Variants in TIMELESS observed in about 807,000 individuals in gnomAD.
The protein encoded by TIMELESS is timeless circadian regulator.
TIMELESS carries 124 observed loss-of-function variants against 164.3 expected under a neutral mutation model. The observed-to-expected ratio is 0.75, with a 90% CI of 0.65 to 0.88. The LOEUF is 0.88. Ranked by LOEUF, TIMELESS falls within the 40% of genes least tolerant of loss-of-function variation. The pLI, the probability that TIMELESS is intolerant of heterozygous loss-of-function variation, is 0.00. For missense variants in TIMELESS, 1,422 were observed against 1,491.4 expected (o/e 0.95, Z 0.77); for synonymous variants, 564 against 563.4 (o/e 1.00, Z -0.02).
At chr12:56,439,986 T>C (rs1227751162) in intron 1 of TIMELESS, among the ~76,000 whole-genome samples, 1 of 152,202 alleles carries the variant, frequency 6.6e-6, no homozygotes, top group Non-Finnish European at 1.5e-5. Context: ...TTAAAAGGGA[T>C]GTTAGTTACT....
At chr12:56,443,642 T>C (rs1868309263) in intron 1 of TIMELESS, among the ~76,000 whole-genome samples, 1 of 152,130 alleles carries the variant, frequency 6.6e-6, no homozygotes, top group African/African-American at 2.4e-5. Context: ...CCTTCTAAAA[T>C]CCCTAATAAA....
intron 1 of TIMELESS, among the ~76,000 whole-genome samples, chr12:56,441,404 T>C (rs1365523915): frequency 2.3e-5 from 3 of 131,672 alleles, no homozygotes; most frequent in Non-Finnish European, 3.0e-5. Context: ...GGAGGATCAC[T>C]TGAGTCCAGG....
At chr12:56,422,316 C>A in intron 19 of TIMELESS, 125 bp from the exon 20 acceptor site, 1 of 763,550 alleles carries the variant, frequency 1.3e-6, no homozygotes, top group Admixed American at 2.4e-5. Context: ...AGAGGCCAGC[C>A]AGCAGAGGCC....
At chr12:56,433,306 C>T in intron 5 of TIMELESS, 75 bp downstream of exon 5, 1 of 1,536,492 alleles carries the variant, frequency 6.5e-7, no homozygotes, top group Non-Finnish European at 9.0e-7. Flanking sequence ...GACCATATCT[C>T]AGCATCTCCT....
chr12:56,447,774 G>T lies in TIMELESS; in HGVS notation c.-62+1536C>A, dbSNP rs186895787. Among the ~76,000 whole-genome samples the T allele has an allele frequency of 3.3e-5, 5 of 152,242 alleles. No individual in the cohort carries two copies. The East Asian group carries it at 9.7e-4, about 29-fold the overall frequency. On this transcript the variant is annotated intron_variant, in intron 1 of 28. Coordinates refer to ENST00000553532, the MANE Select transcript of TIMELESS (RefSeq NM_003920.5). ...GGTAAAAAACTTCAGGGACACACAGGAAGAAGTGACTAACTTGGCATAGGA... is the reference window on the plus strand; with the variant it reads ...GGTAAAAAACTTCAGGGACACACAGTAAGAAGTGACTAACTTGGCATAGGA...
Position 56,433,578 on chromosome 12 carries a change from T to C in TIMELESS, c.326A>G (p.His109Arg), listed in dbSNP as rs1312986601. The C allele has an allele frequency of 1.1e-5, 17 of 1,614,038 alleles. No individual in the cohort carries two copies. Among genetic ancestry groups the C allele is most frequent in the East Asian group, 2.2e-5 (1 of 44,892 alleles). Residue 109 changes from histidine (H) to arginine (R), a missense_variant, in exon 4 of 29, where the codon CAT (histidine) becomes CGT (arginine). Physicochemically the swap from His to Arg is conservative, Grantham distance 29. Coordinates refer to ENST00000553532, the MANE Select transcript of TIMELESS (RefSeq NM_003920.5). ...NLPKEPSFRHHFLQVLTYLQA... is the reference protein window; with the variant it reads ...NLPKEPSFRHRFLQVLTYLQA... ...CAAATAAGTTAGCACCTGCAAAAAA[T>C]GGTGCCGAAAGCTGGGCTCCTTAGG...
At position 56,445,331 on chromosome 12, in the gene TIMELESS, A is replaced by G. The variant is rs182325075; in HGVS notation, c.-62+3979T>C. ...TCCCAGCTACTTGGGAGGCTGAGGCAGAATTGTTTGAACCCAGGAGGTGGA... is the reference window on the plus strand; with the variant it reads ...TCCCAGCTACTTGGGAGGCTGAGGCGGAATTGTTTGAACCCAGGAGGTGGA... On this transcript the variant is annotated intron_variant, in intron 1 of 28. Coordinates refer to ENST00000553532, the MANE Select transcript of TIMELESS (RefSeq NM_003920.5). Among the ~76,000 whole-genome samples, 8 of 144,950 alleles carry G rather than the reference A, an allele frequency of 5.5e-5. No homozygotes were observed. The East Asian group carries it at 1.7e-3, about 31-fold the overall frequency.
chr12:56,431,356 A>AG, intron 8 of TIMELESS, 115 bp downstream of exon 8: 1 of 669,006 alleles, frequency 1.5e-6, no homozygotes, highest in Non-Finnish European at 1.9e-6. Flanking sequence ...TTCTGTCTCA[A>AG]AAAAAAAAAA....
At chr12:56,444,178 G>T (rs924267530) in intron 1 of TIMELESS, among the ~76,000 whole-genome samples, 4 of 152,148 alleles carry the variant, frequency 2.6e-5, no homozygotes, top group African/African-American at 9.7e-5. Flanking sequence ...TTACAGGCAT[G>T]AGCCACCGTG....
chr12:56,429,880 T>G (rs1881814566), intron 10 of TIMELESS, among the ~76,000 whole-genome samples: 2 of 151,952 alleles, frequency 1.3e-5, no homozygotes, highest in Non-Finnish European at 2.9e-5. Context: ...CCTCTCCCTC[T>G]GAGGCAATTT....
rs770637772 is a variant in TIMELESS, at chr12:56,424,799, G to T, written c.1831C>A (p.Gln611Lys). Residue 611 changes from glutamine (Q) to lysine (K), a missense_variant, in exon 15 of 29, where the codon CAG becomes AAG. Transcript: ENST00000553532. ...AGGAGAGTCAGGGCCTGTGGGGCCT[G>T]GCCAGCCAGGAGACAGTCTTGGATC... The part of the protein sequence containing the change: ...VRIQDCLLAG[Q>K]APQALTLLRS... The T allele has an allele frequency of 1.9e-6, 3 of 1,614,072 alleles. No homozygotes were observed. The highest frequency in any genetic ancestry group is 2.5e-6 in the Non-Finnish European group (3 of 1,180,040).
chr12:56,440,221 C>A (rs1329035732), intron 1 of TIMELESS, among the ~76,000 whole-genome samples: 2 of 150,956 alleles, frequency 1.3e-5, no homozygotes, highest in Non-Finnish European at 2.9e-5. Context: ...TCACTGCAAC[C>A]GCCACCTCCT....
chr12:56,436,999 C>T (rs992721762), intron 1 of TIMELESS, among the ~76,000 whole-genome samples: 4 of 151,266 alleles, frequency 2.6e-5, no homozygotes, highest in Non-Finnish European at 5.9e-5. Flanking sequence ...GGCGTGATCT[C>T]GGCTCACTGC....
chr12:56,432,336 G>A (rs763829931), intron 7 of TIMELESS, 33 bp downstream of exon 7: 10 of 1,594,566 alleles, frequency 6.3e-6, no homozygotes, highest in African/African-American at 5.4e-5. Flanking sequence ...GTACATGGGC[G>A]GAGGGGACTC....
chr12:56,439,465 G>A (rs1298315873), intron 1 of TIMELESS, among the ~76,000 whole-genome samples: 2 of 149,862 alleles, frequency 1.3e-5, no homozygotes, highest in African/African-American at 4.9e-5. Flanking sequence ...GATCAATCAT[G>A]ACTCGCTATA....
chr12:56,443,649 T>C lies in TIMELESS; in HGVS notation c.-62+5661A>G, dbSNP rs533295248. The stretch of plus-strand genomic sequence containing the variant: ...CCCCCTCCCCTTCTAAAATCCCTAA[T>C]AAAAACTTGCTGGTTTTGCGGCTCA... On this transcript the variant is annotated intron_variant, in intron 1 of 28. Coordinates refer to ENST00000553532, the MANE Select transcript of TIMELESS (RefSeq NM_003920.5). Among the ~76,000 whole-genome samples, 11 of 152,282 alleles carry C rather than the reference T, an allele frequency of 7.2e-5. No homozygotes were observed. The South Asian group carries it at 1.9e-3, about 26-fold the overall frequency.
intron 18 of TIMELESS, 45 bp downstream of exon 18, chr12:56,423,229 G>A: frequency 1.9e-6 from 3 of 1,600,840 alleles, no homozygotes; most frequent in Non-Finnish European, 2.6e-6. Context: ...TTTACCTGAG[G>A]GTTCCCATAC....
In TIMELESS at chr12:56,431,620, G is replaced by A. The variant is rs908315683; in HGVS notation, c.688-16C>T. On this transcript the variant is annotated splice_polypyrimidine_tract_variant and intron_variant, in intron 7 of 28. Coordinates refer to ENST00000553532, the MANE Select transcript of TIMELESS (RefSeq NM_003920.5). Reference sequence around the variant, plus strand: ...GCTCGGGGTTCTAGATTGGAACAAAGAGGGAAGAATCAGGAGGACAGTCAT... The same window carrying A: ...GCTCGGGGTTCTAGATTGGAACAAAAAGGGAAGAATCAGGAGGACAGTCAT... 1 of 1,605,976 alleles carries A rather than the reference G, an allele frequency of 6.2e-7. No individual in the cohort carries two copies. The highest frequency in any genetic ancestry group is 1.1e-5 in the South Asian group (1 of 90,304).
chr12:56,426,555 TTTTG>T lies in TIMELESS; in HGVS notation c.1579-1407_1579-1404del, dbSNP rs903524185. ...GTGTGTGCCACCACGCCAGGCTAAT[TTTTG>T]TTTGTTTGTTTGTTTTTTGAGACGG... On this transcript the variant is annotated intron_variant, in intron 13 of 28. Coordinates refer to ENST00000553532, the MANE Select transcript of TIMELESS (RefSeq NM_003920.5). 9.3e-5 allele frequency among the ~76,000 whole-genome samples: 14 copies of T among 150,586 alleles called. 1 individual carries two copies. In the South Asian group the frequency reaches 1.3e-3, roughly 14 times the overall value.
Sources: allele counts gnomAD v4.1 joint callset (sites outside exome capture counted in the v4.1 genomes callset), GRCh38; gene constraint gnomAD v4.1.1; transcripts MANE v1.5; gene names NCBI Gene and HGNC (gene_info 2026-07-23, HGNC 2026-07-21).